Variants in OOEP observed in about 807,000 individuals in gnomAD.
OOEP encodes oocyte-expressed protein homolog.
In OOEP, 16 loss-of-function variants were observed where a neutral mutation model predicts 13.7. That is an observed-to-expected ratio of 1.16 (90% CI 0.79 to 1.77). The LOEUF (loss-of-function observed/expected upper bound fraction) is 1.77, where lower values mean the gene tolerates loss of function less well. Among genes scored for constraint, OOEP ranks in the 40% most tolerant of loss-of-function variants. OOEP has a pLI of 0.00. For synonymous variants in OOEP, 89 were observed against 77.1 expected (o/e 1.15, Z -0.81); for missense variants, 195 against 193.1 (o/e 1.01, Z -0.06).
At chr6:73,372,816 G>A (rs1006166256), upstream of OOEP, among the ~76,000 whole-genome samples, 4 of 152,094 alleles carry the variant, frequency 2.6e-5, no homozygotes, top group African/African-American at 4.8e-5. Flanking sequence ...ACGCCAGCCC[G>A]AGATCAAAAT....
intron 2 of OOEP, among the ~76,000 whole-genome samples, chr6:73,393,322 G>T (rs539639136): frequency 6.6e-6 from 1 of 152,152 alleles, no homozygotes; most frequent in Non-Finnish European, 1.5e-5. Flanking sequence ...GAACCTTGGG[G>T]CTCAAGAGAT....
At chr6:73,380,965 G>A (rs1250461137) in intron 2 of OOEP, among the ~76,000 whole-genome samples, 4 of 151,698 alleles carry the variant, frequency 2.6e-5, no homozygotes, top group East Asian at 1.9e-4. Flanking sequence ...CCTGGCCAAC[G>A]TGACTAAACC....
intron 2 of OOEP, among the ~76,000 whole-genome samples, chr6:73,383,887 G>A (rs1376080682): frequency 6.6e-6 from 1 of 151,944 alleles, no homozygotes; most frequent in East Asian, 1.9e-4. Flanking sequence ...CTTGAGCCCA[G>A]GAATTCAAGA....
At chr6:73,394,415 G>A (rs1195887305) in exon 2 of OOEP, 7 of 712,742 alleles carry the variant, frequency 9.8e-6, no homozygotes, top group East Asian at 8.1e-5. Flanking sequence ...TTGGGAGGCC[G>A]AGGCTGGAAG....
At chr6:73,370,617 C>A (rs1197742641), upstream of OOEP, among the ~76,000 whole-genome samples, 1 of 152,190 alleles carries the variant, frequency 6.6e-6, no homozygotes, top group Non-Finnish European at 1.5e-5. Context: ...AGCATCTTTC[C>A]TTTCCTTCTC....
At chr6:73,372,994 G>A (rs571533335), upstream of OOEP, 1 of 861,744 alleles carries the variant, frequency 1.2e-6, no homozygotes, top group African/African-American at 1.7e-5. Flanking sequence ...AACAGATTCA[G>A]AGAGGAAAAC....
At chr6:73,376,996 A>T (rs190285994) in intron 2 of OOEP, among the ~76,000 whole-genome samples, 2 of 152,284 alleles carry the variant, frequency 1.3e-5, no homozygotes, top group East Asian at 3.9e-4. Flanking sequence ...AATTGTAAAA[A>T]AATTTATTGT....
chr6:73,390,176 G>T (rs1769328030), intron 2 of OOEP, among the ~76,000 whole-genome samples: 2 of 151,402 alleles, frequency 1.3e-5, no homozygotes, highest in Admixed American at 1.3e-4. Flanking sequence ...AAGAAAAAAA[G>T]AAATAAGAAA....
chr6:73,385,307 C>T (rs1562279600), intron 2 of OOEP, among the ~76,000 whole-genome samples: 2 of 151,712 alleles, frequency 1.3e-5, no homozygotes, highest in Non-Finnish European at 2.9e-5. Flanking sequence ...GATTGCGCCA[C>T]TGCACTCCAG....
At chr6:73,381,145 G>A (rs1315832776) in intron 2 of OOEP, among the ~76,000 whole-genome samples, 4 of 139,078 alleles carry the variant, frequency 2.9e-5, no homozygotes, top group Non-Finnish European at 4.5e-5. Flanking sequence ...GACAACAAGA[G>A]TGAAACTCCA....
chr6:73,389,900 G>C (rs1157019232), intron 2 of OOEP, among the ~76,000 whole-genome samples: 1 of 152,208 alleles, frequency 6.6e-6, no homozygotes, highest in African/African-American at 2.4e-5. Flanking sequence ...TACCGTTTTA[G>C]ATATCTTTCC....
exon 1 of OOEP, chr6:73,394,887 C>G (rs1191744682): frequency 1.2e-6 from 2 of 1,612,598 alleles, no homozygotes; most frequent in East Asian, 2.2e-5. Flanking sequence ...CGACGTCGGA[C>G]GCGCCCCTTC....
At position 73,387,115 on chromosome 6, in the gene OOEP, T is replaced by C. The variant is rs1180275748; in HGVS notation, c.25+7231A>G. Among the ~76,000 whole-genome samples, 7 of 151,364 alleles carry C rather than the reference T, an allele frequency of 4.6e-5. No homozygotes were observed. The East Asian group carries it at 1.4e-3, about 29-fold the overall frequency. On this transcript the variant is annotated intron_variant, in intron 2 of 3. Transcript: ENST00000370363. ...ATCTTTGTTTATATATGTATATATATACATATATGTATATTTTAAACAATG... is the reference window on the plus strand; with the variant it reads ...ATCTTTGTTTATATATGTATATATACACATATATGTATATTTTAAACAATG...
At chr6:73,394,611 C>G in intron 1 of OOEP, 1 of 506,628 alleles carries the variant, frequency 2.0e-6, no homozygotes, top group South Asian at 2.3e-5. Context: ...GAAAGGAATA[C>G]ACAGTGGGGG....
In OOEP at chr6:73,368,718, G is replaced by T; in HGVS notation, c.*66C>A. Reference sequence around the variant, plus strand: ...ACGGGGATTTAAGAATGCTATACTTGCTTTTCTTCAACTTTAGCAGCAAAA... The same window carrying T: ...ACGGGGATTTAAGAATGCTATACTTTCTTTTCTTCAACTTTAGCAGCAAAA... On this transcript the variant is annotated 3_prime_UTR_variant, in exon 3 of 3. Coordinates refer to ENST00000370359, the MANE Select transcript of OOEP (RefSeq NM_001080507.3). 1 of 1,051,400 alleles carries T rather than the reference G, an allele frequency of 9.5e-7. No individual in the cohort carries two copies. Among genetic ancestry groups the T allele is most frequent in the Non-Finnish European group, 1.5e-6 (1 of 672,232 alleles). The allele number at this position is 1,051,400 out of a possible 1,614,324, so 65.1% of individuals were successfully genotyped here.
chr6:73,369,514 A>T (rs1398629076), intron 1 of OOEP, 89 bp downstream of exon 1: 1 of 1,516,948 alleles, frequency 6.6e-7, no homozygotes, highest in Admixed American at 1.8e-5. Context: ...TGGCTTGCGA[A>T]TCTGGGAAAG....
chr6:73,394,584 A>G, intron 1 of OOEP: 1 of 381,752 alleles, frequency 2.6e-6, no homozygotes, highest in East Asian at 5.2e-5. Flanking sequence ...GGGCGTTTGG[A>G]AAAAGTCCCA....
chr6:73,389,610 A>T (rs1188352551), intron 2 of OOEP, among the ~76,000 whole-genome samples: 1 of 151,782 alleles, frequency 6.6e-6, no homozygotes, highest in Non-Finnish European at 1.5e-5. Context: ...GAAAAAATTT[A>T]AAATAACAGA....
chr6:73,386,767 A>G (rs1769277470), intron 2 of OOEP, among the ~76,000 whole-genome samples: 1 of 151,870 alleles, frequency 6.6e-6, no homozygotes, highest in Admixed American at 6.6e-5. Context: ...TGAGTTCAGG[A>G]CCAGCATGGC....
Sources: gnomAD v4.1 joint callset for allele counts (sites outside exome capture counted in the v4.1 genomes callset) on GRCh38, gnomAD v4.1.1 for gene constraint, MANE v1.5 for transcripts, NCBI Gene and HGNC (gene_info 2026-07-23, HGNC 2026-07-21) for gene names.